LHX8: variants seen among roughly 807,000 people sequenced by gnomAD.
LHX8 encodes the protein LIM/homeobox protein Lhx8.
A neutral mutation model predicts 40.3 loss-of-function variants in LHX8; 12 were observed. The observed-to-expected ratio is 0.30, with a 90% CI of 0.19 to 0.48. The LOEUF (loss-of-function observed/expected upper bound fraction) is 0.48, where lower values mean the gene tolerates loss of function less well. Ranked by LOEUF, LHX8 falls within the 20% of genes least tolerant of loss-of-function variation. The pLI is 0.99. For missense variants in LHX8, 344 were observed against 433.7 expected (o/e 0.79, Z 1.84); for synonymous variants, 179 against 162.0 (o/e 1.10, Z -0.80).
the LHX8 span, chr1:75,183,104 C>T: frequency 6.6e-6 from 1 of 152,112 alleles, no homozygotes; most frequent in South Asian, 2.1e-4. Flanking sequence ...AGCGTGGTCC[C>T]TACACAAGGA....
the LHX8 span, among the ~76,000 whole-genome samples, chr1:75,197,819 A>G: frequency 6.6e-5 from 10 of 152,070 alleles, no homozygotes; most frequent in African/African-American, 2.2e-4. Flanking sequence ...AAGTCTTTCC[A>G]CTGACCTACA....
At chr1:75,180,800 G>A in the LHX8 span, among the ~76,000 whole-genome samples, 1 of 152,158 alleles carries the variant, frequency 6.6e-6, no homozygotes, top group Non-Finnish European at 1.5e-5. Flanking sequence ...CAGCTTTTCT[G>A]CTCTGGTTTC....
chr1:75,179,329 G>A, the LHX8 span, among the ~76,000 whole-genome samples: 159 of 152,196 alleles, frequency 1.0e-3, 1 homozygote, highest in Non-Finnish European at 1.9e-3. Context: ...AGGTCTCTAA[G>A]GACTTGCTTT....
chr1:75,187,410 C>A, the LHX8 span, among the ~76,000 whole-genome samples: 6 of 152,204 alleles, frequency 3.9e-5, no homozygotes, highest in African/African-American at 1.4e-4. Context: ...TCCAAAATGA[C>A]AGACCATCTT....
upstream of LHX8, chr1:75,130,168 C>A (rs1332995211): frequency 3.8e-5 from 6 of 159,828 alleles, no homozygotes; most frequent in African/African-American, 1.4e-4. Flanking sequence ...GCTTTCCAGG[C>A]TGCCCTGCTT....
upstream of LHX8, among the ~76,000 whole-genome samples, chr1:75,129,455 G>A (rs1647905701): frequency 6.6e-6 from 1 of 152,124 alleles, no homozygotes; most frequent in Non-Finnish European, 1.5e-5. Context: ...TTTTGTAAAA[G>A]CATAGCTTTA....
intron 7 of LHX8, among the ~76,000 whole-genome samples, chr1:75,151,433 A>G (rs985451433): frequency 6.6e-6 from 1 of 152,246 alleles, no homozygotes; most frequent in Non-Finnish European, 1.5e-5. Flanking sequence ...TCATGCCATA[A>G]TATTAAAGGC....
the LHX8 span, among the ~76,000 whole-genome samples, chr1:75,183,744 A>G: frequency 6.6e-6 from 1 of 152,264 alleles, no homozygotes; most frequent in South Asian, 2.1e-4. Flanking sequence ...CCACCTAACA[A>G]CAGAATGACA....
At chr1:75,148,478 A>G (rs150015365) in intron 6 of LHX8, 109 bp from the exon 7 acceptor site, 240 of 779,124 alleles carry the variant, frequency 3.1e-4, no homozygotes, top group Middle Eastern at 9.0e-4. Context: ...TCAAGTAACA[A>G]AAGTATCCCA....
At chr1:75,191,957 G>GA in the LHX8 span, among the ~76,000 whole-genome samples, 2 of 151,800 alleles carry the variant, frequency 1.3e-5, no homozygotes, top group African/African-American at 4.8e-5. Flanking sequence ...ATGAAAAGGA[G>GA]AAAAAATATG....
In LHX8 at chr1:75,161,039, T is replaced by C; in HGVS notation, c.*144T>C. On this transcript the variant is annotated 3_prime_UTR_variant, in exon 9 of 9. Transcript: ENST00000356261. ...TCACTTTGCTGCCCAGGTATGTATCTATAGTTGGCCTGCAAGACACTTTTA... is the reference window on the plus strand; with the variant it reads ...TCACTTTGCTGCCCAGGTATGTATCCATAGTTGGCCTGCAAGACACTTTTA... 1 of 650,436 alleles carries C rather than the reference T, an allele frequency of 1.5e-6. No individual in the cohort carries two copies. Among genetic ancestry groups the C allele is most frequent in the Non-Finnish European group, 2.7e-6 (1 of 366,682 alleles). 40.3% of individuals were successfully genotyped at this position (650,436 alleles called of 1,614,324 possible).
chr1:75,144,625 A>G (rs543221303), intron 6 of LHX8, among the ~76,000 whole-genome samples: 1 of 152,142 alleles, frequency 6.6e-6, no homozygotes, highest in African/African-American at 2.4e-5. Context: ...AAATTATCAA[A>G]ATAATTAAAT....
At chr1:75,181,923 A>G in the LHX8 span, among the ~76,000 whole-genome samples, 1 of 152,064 alleles carries the variant, frequency 6.6e-6, no homozygotes, top group African/African-American at 2.4e-5. Context: ...ATAGGTTACA[A>G]AAAATTTTCT....
the LHX8 span, among the ~76,000 whole-genome samples, chr1:75,192,363 G>T: frequency 3.0e-4 from 46 of 152,118 alleles, no homozygotes; most frequent in African/African-American, 1.1e-3. Flanking sequence ...GACTACCATT[G>T]ATTCTTTCTG....
chr1:75,192,500 C>T, the LHX8 span, among the ~76,000 whole-genome samples: 2 of 152,148 alleles, frequency 1.3e-5, no homozygotes, highest in Non-Finnish European at 2.9e-5. Flanking sequence ...GTTGTTATTT[C>T]TCTACTGAGG....
rs1648148139 is a variant in LHX8, at chr1:75,136,696, G to A, written c.75+7G>A. On this transcript the variant is annotated splice_region_variant and intron_variant, in intron 2 of 8. Coordinates refer to ENST00000356261, the MANE Select transcript of LHX8 (RefSeq NM_001256114.2). ...CGCCGGGGAAGAGGGACTGGTGAGT[G>A]CGGAGGGGCTCGCGTGCTGGCAAGA... The A allele has an allele frequency of 1.5e-5, 23 of 1,543,310 alleles. No homozygotes were observed. The highest frequency in any genetic ancestry group is 3.6e-5 in the South Asian group (3 of 83,988).
downstream of LHX8, among the ~76,000 whole-genome samples, chr1:75,166,015 A>T (rs1180521978): frequency 6.6e-6 from 1 of 152,200 alleles, no homozygotes; most frequent in Non-Finnish European, 1.5e-5. Context: ...GATGAATGGA[A>T]AAAAGACATG....
At chr1:75,137,064 G>T (rs765261814) in intron 2 of LHX8, 36 bp from the exon 3 acceptor site, 5 of 1,578,270 alleles carry the variant, frequency 3.2e-6, no homozygotes, top group Admixed American at 3.4e-5. Context: ...GGGGAGGAGG[G>T]GTCTAGAACC....
chr1:75,140,524 G>A (rs1047541638), intron 3 of LHX8, among the ~76,000 whole-genome samples: 2 of 152,038 alleles, frequency 1.3e-5, no homozygotes, highest in African/African-American at 2.4e-5. Context: ...TGTTTAGGAG[G>A]TATACAGTTT....
Sources: allele counts gnomAD v4.1 joint callset (sites outside exome capture counted in the v4.1 genomes callset), GRCh38; gene constraint gnomAD v4.1.1; transcripts MANE v1.5; gene names NCBI Gene and HGNC (gene_info 2026-07-23, HGNC 2026-07-21).